ACOXL: variants seen among roughly 807,000 people sequenced by gnomAD.
ACOXL encodes acyl-CoA oxidase like, also known as acyl-coenzyme A oxidase-like protein.
In ACOXL, 70 loss-of-function variants were observed where a neutral mutation model predicts 71.9. The ratio of observed to expected loss-of-function variants is 0.97; its 90% confidence interval spans 0.80 to 1.19. ACOXL has a LOEUF of 1.19. Ranked by LOEUF, ACOXL falls within the 50% of genes most tolerant of loss-of-function variation. The pLI, the probability that ACOXL is intolerant of heterozygous loss-of-function variation, is 0.00. For missense variants in ACOXL, 703 were observed against 736.3 expected (o/e 0.95, Z 0.52); for synonymous variants, 253 against 281.6 (o/e 0.90, Z 1.02).
intron 17 of ACOXL, among the ~76,000 whole-genome samples, chr2:111,108,433 C>G (rs988483329): frequency 8.3e-6 from 1 of 120,906 alleles, no homozygotes; most frequent in African/African-American, 3.3e-5. Context: ...GGCTGGAGTG[C>G]AATGGCACAA....
At chr2:110,822,562 A>G (rs1474700918) in intron 9 of ACOXL, among the ~76,000 whole-genome samples, 1 of 152,008 alleles carries the variant, frequency 6.6e-6, no homozygotes, top group East Asian at 1.9e-4. Flanking sequence ...CAGCACCTTT[A>G]TTTCTTACTC....
intron 12 of ACOXL, among the ~76,000 whole-genome samples, chr2:110,945,948 T>TAG (rs2061089998): frequency 6.6e-6 from 1 of 152,222 alleles, no homozygotes; most frequent in Admixed American, 6.5e-5. Context: ...AATATGGCCA[T>TAG]TTTAACACTA....
chr2:110,925,525 C>G (rs2060237062), intron 11 of ACOXL, among the ~76,000 whole-genome samples: 1 of 152,208 alleles, frequency 6.6e-6, no homozygotes, highest in Non-Finnish European at 1.5e-5. Context: ...CCAATTTAGC[C>G]TCAAACTTTT....
At chr2:111,081,277 G>A (rs149882939) in intron 16 of ACOXL, among the ~76,000 whole-genome samples, 8 of 152,274 alleles carry the variant, frequency 5.3e-5, no homozygotes, top group Middle Eastern at 3.4e-3. Flanking sequence ...AAACCCCATC[G>A]TCTCAGCCCA....
chr2:111,014,440 C>T (rs963679345), intron 14 of ACOXL, among the ~76,000 whole-genome samples: 14 of 152,146 alleles, frequency 9.2e-5, no homozygotes, highest in Admixed American at 5.9e-4. Context: ...TATCTGTACA[C>T]TAAAGACTAC....
At chr2:110,984,444 C>T (rs994683707) in intron 12 of ACOXL, among the ~76,000 whole-genome samples, 5 of 152,174 alleles carry the variant, frequency 3.3e-5, no homozygotes, top group South Asian at 2.1e-4. Flanking sequence ...GCCCAAATCC[C>T]GTGGTAGCTG....
At chr2:110,765,853 A>G (rs1680985709) in intron 1 of ACOXL, among the ~76,000 whole-genome samples, 1 of 152,246 alleles carries the variant, frequency 6.6e-6, no homozygotes, top group Non-Finnish European at 1.5e-5. Flanking sequence ...TTTGGAGGAC[A>G]TACAAACATT....
intron 12 of ACOXL, among the ~76,000 whole-genome samples, chr2:110,936,002 TG>T (rs1226090667): frequency 1.6e-4 from 24 of 152,230 alleles, no homozygotes; most frequent in African/African-American, 5.3e-4. Context: ...CATCTAATGG[TG>T]CTGCTGAACT....
intron 16 of ACOXL, among the ~76,000 whole-genome samples, chr2:111,075,055 CT>C (rs1180835082): frequency 6.6e-5 from 10 of 152,026 alleles, no homozygotes; most frequent in Admixed American, 6.6e-4. Context: ...TTTTTTCTTC[CT>C]GTACGATCTT....
chr2:110,971,468 C>G (rs181148952), intron 12 of ACOXL, among the ~76,000 whole-genome samples: 1 of 152,308 alleles, frequency 6.6e-6, no homozygotes, highest in Admixed American at 6.5e-5. Flanking sequence ...GCTACAGTTA[C>G]ATTCATGCAA....
intron 8 of ACOXL, among the ~76,000 whole-genome samples, chr2:110,803,374 C>T (rs1326340620): frequency 6.6e-6 from 1 of 152,160 alleles, no homozygotes; most frequent in Admixed American, 6.5e-5. Flanking sequence ...CTTACAGTTA[C>T]AATCAATTAA....
At chr2:110,952,723 C>T (rs2061373231) in intron 12 of ACOXL, among the ~76,000 whole-genome samples, 3 of 152,314 alleles carry the variant, frequency 2.0e-5, no homozygotes, top group Middle Eastern at 6.8e-3. Flanking sequence ...GTTGGGATTA[C>T]AGGAGTGAGC....
intron 5 of ACOXL, among the ~76,000 whole-genome samples, chr2:110,798,305 G>A (rs1325735943): frequency 6.7e-6 from 1 of 150,156 alleles, no homozygotes; most frequent in Non-Finnish European, 1.5e-5. Flanking sequence ...CGCCCAGGCT[G>A]GAGTGCAGTG....
rs1228820690 is a variant in ACOXL at position 110,841,512 on chromosome 2, T to C, written c.788+107T>C. 4 of 822,802 alleles carry C rather than the reference T, an allele frequency of 4.9e-6. No homozygotes were observed. In the East Asian group the frequency reaches 1.1e-4, roughly 22 times the overall value. The allele number at this position is 822,802 out of a possible 1,614,324, so 51.0% of individuals were successfully genotyped here. On this transcript the variant is annotated intron_variant, in intron 10 of 17. Coordinates refer to ENST00000439055, the MANE Select transcript of ACOXL (RefSeq NM_001142807.4). ...AGCTTTTTTTTGGTGGTTGCTTTCC[T>C]GTGATGTCCGTGTCGCAGATGGAAT...
chr2:111,092,983 A>G lies in ACOXL; in HGVS notation c.1542+17A>G, dbSNP rs1309520065. 6.3e-7 allele frequency: 1 copy of G among 1,595,018 alleles called. No homozygotes were observed. Among genetic ancestry groups the G allele is most frequent in the Non-Finnish European group, 8.6e-7 (1 of 1,163,512 alleles). ...AGGAATCAGGTAAGGTCCCTGGGGT[A>G]CAGAAAAACACTTTGTACATCAGCC... On this transcript the variant is annotated intron_variant, in intron 17 of 17. Transcript: ENST00000439055.
chr2:110,846,167 G>A (rs1021338568), intron 10 of ACOXL, among the ~76,000 whole-genome samples: 4 of 152,054 alleles, frequency 2.6e-5, no homozygotes, highest in Non-Finnish European at 4.4e-5. Flanking sequence ...GAATTTGGAA[G>A]CAGATCAGAT....
chr2:110,990,757 G>T (rs890293372), intron 13 of ACOXL, among the ~76,000 whole-genome samples: 1 of 152,086 alleles, frequency 6.6e-6, no homozygotes, highest in African/African-American at 2.4e-5. Context: ...CTGTTGAAAC[G>T]ATCATATATT....
At chr2:110,963,818 T>C in intron 12 of ACOXL, 1 of 1,475,036 alleles carries the variant, frequency 6.8e-7, no homozygotes, top group Non-Finnish European at 9.2e-7. Context: ...GCAGGTGCTT[T>C]CCTGTTAGGC....
intron 1 of ACOXL, among the ~76,000 whole-genome samples, chr2:110,764,631 TA>T (rs886464779): frequency 2.0e-5 from 3 of 152,184 alleles, no homozygotes; most frequent in African/African-American, 7.2e-5. Flanking sequence ...GAATGAACCC[TA>T]ATGTAAACTG....
Sources: gnomAD v4.1 joint callset for allele counts (sites outside exome capture counted in the v4.1 genomes callset) on GRCh38, gnomAD v4.1.1 for gene constraint, MANE v1.5 for transcripts, NCBI Gene and HGNC (gene_info 2026-07-23, HGNC 2026-07-21) for gene names.